NRG1: variants seen among roughly 807,000 people sequenced by gnomAD.
NRG1 encodes the protein neuregulin 1, also known as pro-neuregulin-1, membrane-bound isoform.
Under a neutral mutation model 63.8 loss-of-function variants are expected in NRG1, and 18 were observed. The ratio of observed to expected loss-of-function variants is 0.28; its 90% CI spans 0.19 to 0.42. The LOEUF (loss-of-function observed/expected upper bound fraction) is 0.42, where lower values mean the gene tolerates loss of function less well. NRG1 is among the 10% of genes least tolerant of loss of function. The pLI is 1.00. For missense variants in NRG1, 762 were observed against 814.7 expected (o/e 0.94, Z 0.79); for synonymous variants, 302 against 301.3 (o/e 1.00, Z -0.02).
intron 1 of NRG1, among the ~76,000 whole-genome samples, chr8:31,853,928 G>A (rs374939816): frequency 1.3e-5 from 2 of 151,232 alleles, no homozygotes; most frequent in East Asian, 1.9e-4. Flanking sequence ...TGATTTGCGT[G>A]TATTGAACCA....
Position 32,375,047 on chromosome 8 carries a change from G to C in NRG1, c.38-220781G>C, listed in dbSNP as rs1809437346. Among the ~76,000 whole-genome samples the C allele has an allele frequency of 2.6e-5, 4 of 152,156 alleles. 1 individual carries two copies. In the South Asian group the frequency reaches 6.2e-4, roughly 24 times the overall value. On this transcript the variant is annotated intron_variant, in intron 1 of 10. Coordinates refer to the NRG1 transcript ENST00000519301. The stretch of plus-strand genomic sequence containing the variant: ...ACCCAGGCTGGAGTGCAGTGGCGAA[G>C]TCTTGGATCACTGCAACCTCCACTT...
At chr8:32,360,631 T>C (rs1807081652) in intron 1 of NRG1, among the ~76,000 whole-genome samples, 1 of 152,216 alleles carries the variant, frequency 6.6e-6, no homozygotes, top group African/African-American at 2.4e-5. Flanking sequence ...ATAATTTGTA[T>C]TTATAATTTT....
At chr8:31,660,341 G>A (rs536302785) in intron 1 of NRG1, among the ~76,000 whole-genome samples, 1 of 152,286 alleles carries the variant, frequency 6.6e-6, no homozygotes, top group South Asian at 2.1e-4. Context: ...CAGGTGTTTA[G>A]ACAAAGGAGA....
intron 1 of NRG1, among the ~76,000 whole-genome samples, chr8:31,914,078 T>C (rs1449180509): frequency 6.6e-6 from 1 of 152,172 alleles, no homozygotes; most frequent in Non-Finnish European, 1.5e-5. Flanking sequence ...AAGCAAGACC[T>C]CTTGCCCCCT....
intron 1 of NRG1, among the ~76,000 whole-genome samples, chr8:31,727,661 AG>A (rs1306577962): frequency 6.6e-6 from 1 of 152,186 alleles, no homozygotes; most frequent in Non-Finnish European, 1.5e-5. Flanking sequence ...CACGTTCAGT[AG>A]CCCTCCATTA....
At chr8:32,755,219 C>A (rs1045150455) in intron 8 of NRG1, among the ~76,000 whole-genome samples, 6 of 152,112 alleles carry the variant, frequency 3.9e-5, no homozygotes, top group African/African-American at 1.2e-4. Context: ...TTAACAAATT[C>A]AATTACTATG....
chr8:32,193,851 C>G (rs1433230586), intron 1 of NRG1, among the ~76,000 whole-genome samples: 1 of 152,142 alleles, frequency 6.6e-6, no homozygotes, highest in Non-Finnish European at 1.5e-5. Flanking sequence ...GGAAGAATGC[C>G]ATGTGATGCC....
chr8:32,310,245 A>G (rs367626101), intron 1 of NRG1, among the ~76,000 whole-genome samples: 1 of 152,198 alleles, frequency 6.6e-6, no homozygotes, highest in Non-Finnish European at 1.5e-5. Flanking sequence ...TTTTGAATGG[A>G]ATGCATAGAA....
chr8:32,624,263 AG>A (rs1465796268), intron 5 of NRG1, among the ~76,000 whole-genome samples: 1 of 152,186 alleles, frequency 6.6e-6, no homozygotes, highest in Non-Finnish European at 1.5e-5. Flanking sequence ...TACTGCATCC[AG>A]GGAGATTAAT....
Position 32,410,978 on chromosome 8 carries a change from C to T in NRG1, c.38-184850C>T, listed in dbSNP as rs187178403. Among the ~76,000 whole-genome samples, 11 of 151,544 alleles carry T rather than the reference C, an allele frequency of 7.3e-5. No homozygotes were observed. In the East Asian group the frequency reaches 2.0e-3, roughly 27 times the overall value. ...GCAACCTCCACCTCCTGGGTTCAAG[C>T]GATTCTCCTGCCTCAGCCTCCCAAG... On this transcript the variant is annotated intron_variant, in intron 1 of 10. Transcript: ENST00000519301.
At chr8:31,932,623 G>C (rs1478954390) in intron 1 of NRG1, among the ~76,000 whole-genome samples, 1 of 152,200 alleles carries the variant, frequency 6.6e-6, no homozygotes, top group Non-Finnish European at 1.5e-5. Flanking sequence ...AAATGAGTAT[G>C]TTGAGATGAT....
At chr8:32,533,598 T>C (rs1831672334) in intron 1 of NRG1, among the ~76,000 whole-genome samples, 1 of 152,076 alleles carries the variant, frequency 6.6e-6, no homozygotes, top group African/African-American at 2.4e-5. Flanking sequence ...CTAAAAATAG[T>C]ACATTTAGCC....
intron 1 of NRG1, among the ~76,000 whole-genome samples, chr8:32,001,144 T>G (rs974290842): frequency 1.3e-5 from 2 of 152,052 alleles, no homozygotes; most frequent in Admixed American, 1.3e-4. Flanking sequence ...ATATGAATAC[T>G]AATTATTTTT....
intron 1 of NRG1, among the ~76,000 whole-genome samples, chr8:32,456,025 C>CTA (rs1465982306): frequency 7.9e-5 from 12 of 152,310 alleles, no homozygotes; most frequent in Middle Eastern, 3.4e-3. Context: ...TTCAAGTGAT[C>CTA]TACCCACTTG....
chr8:32,342,102 G>A (rs750291069), intron 1 of NRG1, among the ~76,000 whole-genome samples: 2 of 152,140 alleles, frequency 1.3e-5, no homozygotes, highest in African/African-American at 2.4e-5. Context: ...TGTCAGTCAA[G>A]TCTGTCTCTA....
intron 1 of NRG1, among the ~76,000 whole-genome samples, chr8:32,329,650 A>C (rs1802408219): frequency 6.6e-6 from 1 of 152,182 alleles, no homozygotes; most frequent in Admixed American, 6.6e-5. Flanking sequence ...TTATAGGCTT[A>C]GCATCATGCT....
chr8:32,057,129 C>G (rs1331192123), intron 1 of NRG1, among the ~76,000 whole-genome samples: 3 of 152,122 alleles, frequency 2.0e-5, no homozygotes, highest in Non-Finnish European at 4.4e-5. Context: ...TACATTCTAT[C>G]TTTGACCTTT....
chr8:32,547,825 TC>T (rs1332718820), upstream of NRG1, among the ~76,000 whole-genome samples: 1 of 151,906 alleles, frequency 6.6e-6, no homozygotes, highest in Non-Finnish European at 1.5e-5. Flanking sequence ...CCACCAACGT[TC>T]CCCCCGCACC....
chr8:31,978,081 G>A (rs1403861062), intron 1 of NRG1, among the ~76,000 whole-genome samples: 1 of 152,054 alleles, frequency 6.6e-6, no homozygotes, highest in Non-Finnish European at 1.5e-5. Context: ...GATTCCTAAT[G>A]AATTCCTGGT....
Sources: gnomAD v4.1 joint callset for allele counts (sites outside exome capture counted in the v4.1 genomes callset) on GRCh38, gnomAD v4.1.1 for gene constraint, MANE v1.5 for transcripts, NCBI Gene and HGNC (gene_info 2026-07-23, HGNC 2026-07-21) for gene names.